PTPRD: variants seen among roughly 807,000 people sequenced by gnomAD.
PTPRD encodes protein tyrosine phosphatase receptor type D, also known as receptor-type tyrosine-protein phosphatase delta.
PTPRD carries 34 observed loss-of-function variants against 214.5 expected under a neutral mutation model. That is an observed-to-expected ratio of 0.16 (90% CI 0.12 to 0.21). The LOEUF (loss-of-function observed/expected upper bound fraction) is 0.21. PTPRD is among the 10% of genes least tolerant of loss of function. The pLI is 1.00. For missense variants in PTPRD, 2,545 were observed against 2,398.7 expected (o/e 1.06, Z -1.27); for synonymous variants, 1,128 against 845.7 (o/e 1.33, Z -5.79).
At chr9:9,766,024 C>A (rs147704211) in intron 6 of PTPRD, among the ~76,000 whole-genome samples, 1 of 152,124 alleles carries the variant, frequency 6.6e-6, no homozygotes, top group Non-Finnish European at 1.5e-5. Flanking sequence ...TTAGAGAAGC[C>A]GTGATAATTA....
At chr9:9,942,816 A>G (rs560079907) in intron 4 of PTPRD, among the ~76,000 whole-genome samples, 12 of 151,890 alleles carry the variant, frequency 7.9e-5, no homozygotes, top group South Asian at 6.2e-4. Flanking sequence ...GTTGCAATTT[A>G]TAACATTCTT....
At chr9:10,108,448 T>C (rs1305706134) in intron 3 of PTPRD, among the ~76,000 whole-genome samples, 1 of 152,054 alleles carries the variant, frequency 6.6e-6, no homozygotes, top group Non-Finnish European at 1.5e-5. Flanking sequence ...TTTGTATTTT[T>C]TTTTACCATC....
Position 9,199,168 on chromosome 9 carries a change from T to G in PTPRD, c.-202-15805A>C, listed in dbSNP as rs12002527. 3.8e-3 allele frequency among the ~76,000 whole-genome samples: 579 copies of G among 152,184 alleles called. 2 individuals are homozygous for G. Among genetic ancestry groups the G allele is most frequent in the African/African-American group, 0.013 (551 of 41,546 alleles). On this transcript the variant is annotated intron_variant, in intron 9 of 45. Coordinates refer to ENST00000381196, the MANE Select transcript of PTPRD (RefSeq NM_002839.4). ...GGTAAAAAAAAGAAAGAGGAGAGAATGACTAGTTGCACCTAGGGTATTTTG... is the reference window on the plus strand; with the variant it reads ...GGTAAAAAAAAGAAAGAGGAGAGAAGGACTAGTTGCACCTAGGGTATTTTG...
chr9:8,991,078 G>T (rs573406060), intron 11 of PTPRD, among the ~76,000 whole-genome samples: 2 of 151,836 alleles, frequency 1.3e-5, no homozygotes, highest in African/African-American at 4.8e-5. Context: ...AATTAGCCAG[G>T]CATGTTGGTG....
chr9:8,328,778 A>G (rs1334320722), intron 44 of PTPRD, among the ~76,000 whole-genome samples: 1 of 151,558 alleles, frequency 6.6e-6, no homozygotes, highest in African/African-American at 2.4e-5. Context: ...CATTGAGTTG[A>G]TCTTCAATCT....
intron 11 of PTPRD, among the ~76,000 whole-genome samples, chr9:8,935,441 G>A (rs954616352): frequency 5.1e-5 from 7 of 136,704 alleles, no homozygotes; most frequent in African/African-American, 1.6e-4. Context: ...ACACTGTGGT[G>A]CCTACCTTTA....
chr9:10,443,651 A>G (rs1405885736), intron 2 of PTPRD, among the ~76,000 whole-genome samples: 2 of 151,746 alleles, frequency 1.3e-5, no homozygotes, highest in Admixed American at 6.6e-5. Flanking sequence ...AGACATTCTC[A>G]TATCAAATAA....
At chr9:8,913,216 T>C (rs72706217) in intron 11 of PTPRD, among the ~76,000 whole-genome samples, 17,149 of 152,032 alleles carry the variant, frequency 0.11, 1,412 homozygotes, top group East Asian at 0.3. Context: ...TAATTGGCAA[T>C]GGGATAAAAA....
intron 39 of PTPRD, among the ~76,000 whole-genome samples, chr9:8,351,441 T>C (rs10815829): frequency 0.48 from 71,826 of 151,156 alleles, 19,926 homozygotes; most frequent in Non-Finnish European, 0.63. Context: ...AATAATCTAA[T>C]AATGGAATTA....
intron 3 of PTPRD, among the ~76,000 whole-genome samples, chr9:10,172,817 T>C (rs897750111): frequency 3.9e-5 from 6 of 152,220 alleles, no homozygotes; most frequent in Non-Finnish European, 7.3e-5. Flanking sequence ...ATGGTATATA[T>C]GTGAAGAGGA....
chr9:9,077,095 G>A, intron 10 of PTPRD, among the ~76,000 whole-genome samples: 1 of 150,158 alleles, frequency 6.7e-6, no homozygotes. Context: ...CCATTTGTAT[G>A]TCTTCTTTTG....
At chr9:10,569,304 T>C (rs1003154706) in intron 2 of PTPRD, among the ~76,000 whole-genome samples, 1 of 152,136 alleles carries the variant, frequency 6.6e-6, no homozygotes, top group Non-Finnish European at 1.5e-5. Context: ...AAGACTTTAC[T>C]CTTATCTCCA....
At chr9:8,755,781 C>A (rs183755707) in intron 11 of PTPRD, among the ~76,000 whole-genome samples, 131 of 152,194 alleles carry the variant, frequency 8.6e-4, no homozygotes, top group African/African-American at 3.1e-3. Context: ...CAAAGTTACA[C>A]ACAAAGTAGA....
chr9:10,297,056 T>A (rs2095696810), intron 3 of PTPRD, among the ~76,000 whole-genome samples: 1 of 149,898 alleles, frequency 6.7e-6, no homozygotes, highest in Non-Finnish European at 1.5e-5. Flanking sequence ...AAATCTGAGT[T>A]TCCAGGGAAC....
At chr9:9,788,359 G>C (rs1007618277) in intron 5 of PTPRD, among the ~76,000 whole-genome samples, 7 of 151,246 alleles carry the variant, frequency 4.6e-5, no homozygotes, top group Non-Finnish European at 1.0e-4. Flanking sequence ...AGACCATCCT[G>C]ACTAACACGG....
chr9:10,575,530 A>G (rs1024858732), intron 2 of PTPRD, among the ~76,000 whole-genome samples: 1 of 152,010 alleles, frequency 6.6e-6, no homozygotes, highest in African/African-American at 2.4e-5. Flanking sequence ...GTAATTAAGC[A>G]AAAAAAGTCT....
chr9:10,312,453 G>C (rs988142778), intron 3 of PTPRD, among the ~76,000 whole-genome samples: 2 of 151,868 alleles, frequency 1.3e-5, no homozygotes, highest in African/African-American at 4.8e-5. Context: ...TTTTAGTTTT[G>C]TTGGATTAGA....
At chr9:10,414,081 C>T (rs910121200) in intron 2 of PTPRD, among the ~76,000 whole-genome samples, 13 of 151,736 alleles carry the variant, frequency 8.6e-5, no homozygotes, top group African/African-American at 3.1e-4. Context: ...AAAGCAATAA[C>T]GATAAAAGCA....
chr9:9,986,433 G>T (rs75093350), intron 4 of PTPRD, among the ~76,000 whole-genome samples: 2,026 of 152,054 alleles, frequency 0.013, 47 homozygotes, highest in African/African-American at 0.045. Flanking sequence ...ATATTTTTAG[G>T]TGATATGACA....
Sources: allele counts gnomAD v4.1 joint callset (sites outside exome capture counted in the v4.1 genomes callset), GRCh38; gene constraint gnomAD v4.1.1; transcripts MANE v1.5; gene names NCBI Gene and HGNC (gene_info 2026-07-23, HGNC 2026-07-21).